Variants in TMEM209 observed in about 807,000 individuals in gnomAD.
TMEM209 encodes transmembrane protein 209, also known as testicular tissue protein Li 202.
In TMEM209, 65 loss-of-function variants were observed where a neutral mutation model predicts 76.2. The observed-to-expected ratio is 0.85, with a 90% CI of 0.70 to 1.05. The LOEUF (loss-of-function observed/expected upper bound fraction) is 1.05, where lower values mean the gene tolerates loss of function less well. Ranked by LOEUF, TMEM209 falls within the 50% of genes least tolerant of loss-of-function variation. The pLI is 0.00. For synonymous variants in TMEM209, 239 were observed against 237.6 expected, an observed-to-expected ratio of 1.01 and a Z score of -0.06; for missense variants, 623 against 685.5, an observed-to-expected ratio of 0.91 and a Z score of 1.02.
At chr7:130,203,143 T>G (rs1257437942) in intron 3 of TMEM209, among the ~76,000 whole-genome samples, 1 of 152,058 alleles carries the variant, frequency 6.6e-6, no homozygotes, top group East Asian at 1.9e-4. Flanking sequence ...AAAATAGCAC[T>G]AATCCTAGCA....
At chr7:130,187,701 T>C (rs976274314) in intron 6 of TMEM209, among the ~76,000 whole-genome samples, 2 of 151,324 alleles carry the variant, frequency 1.3e-5, no homozygotes, top group African/African-American at 4.9e-5. Context: ...AAATTATAGA[T>C]ATATCTTCAC....
intron 5 of TMEM209, among the ~76,000 whole-genome samples, 198 bp downstream of exon 5, chr7:130,201,652 C>G (rs373771840): frequency 6.6e-6 from 1 of 152,272 alleles, no homozygotes; most frequent in East Asian, 1.9e-4. Flanking sequence ...TTTGTTATCT[C>G]TGTAAATGCT....
In TMEM209 at chr7:130,169,011, C is replaced by T. The variant is rs190712924; in HGVS notation, c.1631+1389G>A. Among the ~76,000 whole-genome samples the T allele has an allele frequency of 2.0e-4, 31 of 151,938 alleles. No homozygotes were observed. The East Asian group carries it at 5.6e-3, about 28-fold the overall frequency. On this transcript the variant is annotated intron_variant, in intron 14 of 14. Transcript: ENST00000397622. ...ACAGCACTTTGGGAGGCCGGGCAGG[C>T]GGATCACCTGAGATCAGGAGTTTGA... is the stretch of plus-strand genomic sequence containing the variant.
At position 130,201,865 on chromosome 7, in the gene TMEM209, GACGGGCGAGTAGGTC is replaced by G; in HGVS notation, c.543_557del (p.Thr182_Val186del). 6.2e-7 allele frequency: 1 copy of G among 1,613,944 alleles called. No homozygotes were observed. Among genetic ancestry groups the G allele is most frequent in the Non-Finnish European group, 8.5e-7 (1 of 1,179,876 alleles). On this transcript the variant is annotated inframe_deletion, in exon 5 of 15. Transcript: ENST00000397622. ...GAGTCATTACCTTATTATAACCACT[GACGGGCGAGTAGGTC>G]ACTCCAGGGCTATAAGAACCACTGC...
chr7:130,169,094 G>GCCA (rs1159923447), intron 14 of TMEM209, among the ~76,000 whole-genome samples: 1 of 151,478 alleles, frequency 6.6e-6, no homozygotes, highest in African/African-American at 2.4e-5. Flanking sequence ...CGGCATGGTG[G>GCCA]CGGGCATCTG....
At chr7:130,173,966 T>A in intron 11 of TMEM209, 27 bp from the exon 12 acceptor site, 1 of 1,461,554 alleles carries the variant, frequency 6.8e-7, no homozygotes, top group Non-Finnish European at 9.6e-7. Context: ...AATTTTTTTT[T>A]AAGTCAGCAT....
At chr7:130,177,641 G>C (rs573042555) in intron 10 of TMEM209, among the ~76,000 whole-genome samples, 92 of 152,318 alleles carry the variant, frequency 6.0e-4, no homozygotes, top group Non-Finnish European at 1.1e-3. Flanking sequence ...CAGGAAGAAA[G>C]TGGACGGGGT....
At chr7:130,186,269 A>T (rs1171424120) in intron 6 of TMEM209, among the ~76,000 whole-genome samples, 1 of 152,226 alleles carries the variant, frequency 6.6e-6, no homozygotes, top group Non-Finnish European at 1.5e-5. Flanking sequence ...GAAAATAATA[A>T]AACTCATTTT....
intron 5 of TMEM209, among the ~76,000 whole-genome samples, chr7:130,193,738 T>C (rs1318154234): frequency 6.6e-6 from 1 of 151,878 alleles, no homozygotes; most frequent in Admixed American, 6.6e-5. Flanking sequence ...AAAAGATGAA[T>C]GAATAAATGG....
At chr7:130,170,377 G>GT in intron 14 of TMEM209, 23 bp downstream of exon 14, 2 of 1,586,162 alleles carry the variant, frequency 1.3e-6, no homozygotes, top group Non-Finnish European at 1.7e-6. Context: ...AACTACTTAC[G>GT]TTTTTAAAGC....
rs1028310727 is a variant in TMEM209 at position 130,204,906 on chromosome 7, A to G, written c.3+467T>C. 2.8e-5 allele frequency: 29 copies of G among 1,038,880 alleles called. No individual in the cohort carries two copies. The African/African-American group carries it at 4.6e-4, about 17-fold the overall frequency. 64.4% of individuals were successfully genotyped at this position (1,038,880 alleles called of 1,614,324 possible). A position where few individuals can be genotyped will look rare whatever the true frequency, so the allele number is the denominator to read the frequency against. ...CTCTGCACTTGGACAGCTGTACTCC[A>G]GGGCTCTCCCTTTTGTGTGTGGATA... On this transcript the variant is annotated intron_variant, in intron 1 of 14. Transcript: ENST00000397622.
At chr7:130,186,511 A>C (rs1797602305) in intron 6 of TMEM209, among the ~76,000 whole-genome samples, 1 of 152,250 alleles carries the variant, frequency 6.6e-6, no homozygotes. Flanking sequence ...TAAATGATTT[A>C]ATAAATAGAG....
At chr7:130,193,689 G>T (rs1797874991) in intron 5 of TMEM209, among the ~76,000 whole-genome samples, 1 of 151,934 alleles carries the variant, frequency 6.6e-6, no homozygotes, top group Non-Finnish European at 1.5e-5. Flanking sequence ...AACTATGGCG[G>T]CAATTAAAAA....
At chr7:130,205,004 G>C (rs913595526) in intron 1 of TMEM209, 12 of 1,179,742 alleles carry the variant, frequency 1.0e-5, no homozygotes, top group Non-Finnish European at 1.3e-5. Context: ...AGGGAGAGAG[G>C]GGAAAACGTG....
intron 8 of TMEM209, among the ~76,000 whole-genome samples, chr7:130,182,564 A>G (rs966901390): frequency 2.0e-5 from 3 of 152,224 alleles, no homozygotes; most frequent in African/African-American, 7.2e-5. Flanking sequence ...ATATTACTTT[A>G]GGACTGGGAC....
intron 6 of TMEM209, among the ~76,000 whole-genome samples, chr7:130,188,782 T>C (rs748970793): frequency 6.6e-6 from 1 of 152,058 alleles, no homozygotes; most frequent in Non-Finnish European, 1.5e-5. Context: ...TTTTATTATA[T>C]ATTACCGACA....
intron 10 of TMEM209, among the ~76,000 whole-genome samples, chr7:130,176,306 A>G (rs1797235865): frequency 6.7e-6 from 1 of 150,104 alleles, no homozygotes; most frequent in Admixed American, 6.6e-5. Context: ...TATTTTTAGC[A>G]GAGATGGGGT....
intron 6 of TMEM209, among the ~76,000 whole-genome samples, chr7:130,189,904 G>C (rs972943470): frequency 2.0e-5 from 3 of 152,100 alleles, no homozygotes; most frequent in South Asian, 2.1e-4. Flanking sequence ...CCATTAAAAG[G>C]AATCAGGGCT....
chr7:130,181,882 C>T (rs1797432510), intron 8 of TMEM209, 163 bp from the exon 9 acceptor site: 2 of 554,258 alleles, frequency 3.6e-6, no homozygotes, highest in Non-Finnish European at 6.4e-6. Flanking sequence ...GTAATAGCTA[C>T]CCGAAATCAA....
Sources: allele counts gnomAD v4.1 joint callset (sites outside exome capture counted in the v4.1 genomes callset), GRCh38; gene constraint gnomAD v4.1.1; transcripts MANE v1.5; gene names NCBI Gene and HGNC (gene_info 2026-07-23, HGNC 2026-07-21).